Variants in SLC35F4 observed in about 807,000 individuals in gnomAD.
SLC35F4 encodes the protein chromosome 14 open reading frame 36.
A neutral mutation model predicts 44.2 loss-of-function variants in SLC35F4; 24 were observed. The observed-to-expected ratio is 0.54, with a 90% CI of 0.39 to 0.76. The LOEUF (loss-of-function observed/expected upper bound fraction) is 0.76, where lower values mean the gene tolerates loss of function less well. SLC35F4 is among the 30% of genes least tolerant of loss of function. The pLI is 0.00. For missense variants in SLC35F4, 562 were observed against 586.1 expected (o/e 0.96, Z 0.42); for synonymous variants, 238 against 223.6 (o/e 1.06, Z -0.57).
chr14:57,900,248 A>G (rs891155253), intron 1 of SLC35F4, among the ~76,000 whole-genome samples: 1 of 152,182 alleles, frequency 6.6e-6, no homozygotes, highest in African/African-American at 2.4e-5. Context: ...CAGTGGCAGA[A>G]CTTTCAACCT....
chr14:57,840,815 T>A (rs1885409587), intron 1 of SLC35F4, among the ~76,000 whole-genome samples: 1 of 152,196 alleles, frequency 6.6e-6, no homozygotes, highest in African/African-American at 2.4e-5. Flanking sequence ...CTTTCTTACG[T>A]ATACATTTTA....
chr14:57,848,851 A>C (rs1444881982), intron 1 of SLC35F4, among the ~76,000 whole-genome samples: 3 of 152,188 alleles, frequency 2.0e-5, no homozygotes, highest in East Asian at 3.9e-4. Context: ...CCTACTATAC[A>C]TGCTGAGGAT....
chr14:57,727,634 A>G (rs750991684), intron 1 of SLC35F4, among the ~76,000 whole-genome samples: 1 of 151,820 alleles, frequency 6.6e-6, no homozygotes, highest in Non-Finnish European at 1.5e-5. Context: ...TTCTTCCTTA[A>G]TTTCTTCATT....
chr14:57,601,535 T>C (rs760628129), intron 1 of SLC35F4, among the ~76,000 whole-genome samples: 5 of 152,092 alleles, frequency 3.3e-5, no homozygotes, highest in African/African-American at 4.8e-5. Flanking sequence ...AATATTTAGC[T>C]CCCACTTATA....
At chr14:57,830,398 G>T (rs1270842328) in intron 1 of SLC35F4, among the ~76,000 whole-genome samples, 2 of 152,056 alleles carry the variant, frequency 1.3e-5, no homozygotes, top group African/African-American at 4.8e-5. Context: ...TTTTTATTTG[G>T]ATCTCCCTAG....
At chr14:57,828,391 T>A (rs558062531) in intron 1 of SLC35F4, among the ~76,000 whole-genome samples, 1 of 152,234 alleles carries the variant, frequency 6.6e-6, no homozygotes, top group African/African-American at 2.4e-5. Context: ...AAAGAGAGTA[T>A]TATAAATAAT....
chr14:57,954,490 G>A lies in SLC35F4; in HGVS notation n.282+27423C>T, dbSNP rs569023386. On this transcript the variant is annotated intron_variant and non_coding_transcript_variant, in intron 1 of 1. Transcript: ENST00000556568. ...AAAAATCAATGAATCCAGGAGCTGC[G>A]TTTTTGAAAAGATTAACAAAATAGA... is the stretch of plus-strand genomic sequence containing the variant. Among the ~76,000 whole-genome samples, 21 of 151,966 alleles carry A rather than the reference G, an allele frequency of 1.4e-4. No individual in the cohort carries two copies. The South Asian group carries it at 1.5e-3, about 11-fold the overall frequency.
At chr14:57,968,686 C>T (rs1361004658) in intron 1 of SLC35F4, among the ~76,000 whole-genome samples, 1 of 152,116 alleles carries the variant, frequency 6.6e-6, no homozygotes, top group Non-Finnish European at 1.5e-5. Context: ...TAATACCTGG[C>T]AATCTGTGTT....
intron 1 of SLC35F4, among the ~76,000 whole-genome samples, chr14:57,898,405 G>T (rs1289539472): frequency 6.6e-6 from 1 of 152,206 alleles, no homozygotes; most frequent in African/African-American, 2.4e-5. Context: ...TTTAAGAAAG[G>T]TGGTATTGGG....
At chr14:57,803,220 T>C (rs886137483) in intron 1 of SLC35F4, among the ~76,000 whole-genome samples, 17 of 152,256 alleles carry the variant, frequency 1.1e-4, no homozygotes, top group Admixed American at 3.9e-4. Context: ...ATTATCTCAA[T>C]AGATGCAGAA....
intron 1 of SLC35F4, among the ~76,000 whole-genome samples, chr14:57,640,333 T>G (rs559071480): frequency 6.6e-6 from 1 of 151,828 alleles, no homozygotes; most frequent in Non-Finnish European, 1.5e-5. Flanking sequence ...CAAAAAGTAC[T>G]GACAAAAAAG....
chr14:57,629,823 G>T, intron 1 of SLC35F4: 1 of 335,412 alleles, frequency 3.0e-6, no homozygotes, highest in Non-Finnish European at 5.9e-6. Flanking sequence ...ACGAGAAGTG[G>T]GAGTGGAGGA....
chr14:57,571,858 G>T, intron 5 of SLC35F4, 36 bp downstream of exon 5: 1 of 1,594,498 alleles, frequency 6.3e-7, no homozygotes, highest in African/African-American at 1.3e-5. Context: ...TAAGTTATGA[G>T]TGACAGTTGC....
chr14:57,637,070 A>C (rs892309079), intron 1 of SLC35F4, among the ~76,000 whole-genome samples: 1 of 152,124 alleles, frequency 6.6e-6, no homozygotes, highest in Admixed American at 6.6e-5. Context: ...TAGTTTATAC[A>C]AAGAAGCTTT....
chr14:57,574,036 A>G (rs1281301416), intron 4 of SLC35F4, among the ~76,000 whole-genome samples: 1 of 152,222 alleles, frequency 6.6e-6, no homozygotes, highest in Admixed American at 6.5e-5. Context: ...GTAGTATGTA[A>G]TTCTGGGTTT....
intron 4 of SLC35F4, among the ~76,000 whole-genome samples, chr14:57,574,922 C>T (rs1439156946): frequency 5.9e-5 from 9 of 152,166 alleles, no homozygotes; most frequent in Admixed American, 1.3e-4. Flanking sequence ...AAACACAAAA[C>T]GACTCTTCTT....
At position 57,693,381 on chromosome 14, in the gene SLC35F4, C is replaced by A. The variant is rs753717726; in HGVS notation, c.104-99257G>T. 2.6e-5 allele frequency among the ~76,000 whole-genome samples: 4 copies of A among 151,904 alleles called. No individual in the cohort carries two copies. In the South Asian group the frequency reaches 8.3e-4, roughly 31 times the overall value. The stretch of plus-strand genomic sequence containing the variant: ...TGTGACATGTTCGTGATGGCCATGA[C>A]GCCCACACTGGAAGGTTGTGGGTTT... On this transcript the variant is annotated intron_variant, in intron 1 of 7. Transcript: ENST00000556826.
intron 1 of SLC35F4, among the ~76,000 whole-genome samples, chr14:57,694,687 TTATTTCTGTCTTG>T (rs2075331632): frequency 6.6e-6 from 1 of 152,156 alleles, no homozygotes; most frequent in Admixed American, 6.6e-5. Flanking sequence ...ATCTCTCCAT[TTATTTCTGTCTTG>T]TATTTCTGTC....
intron 1 of SLC35F4, among the ~76,000 whole-genome samples, chr14:57,701,431 T>G (rs2075538151): frequency 6.6e-6 from 1 of 152,184 alleles, no homozygotes; most frequent in African/African-American, 2.4e-5. Flanking sequence ...AAAAGTATAG[T>G]TATAGTAAAA....
Sources: allele counts gnomAD v4.1 joint callset (sites outside exome capture counted in the v4.1 genomes callset), GRCh38; gene constraint gnomAD v4.1.1; transcripts MANE v1.5; gene names NCBI Gene and HGNC (gene_info 2026-07-23, HGNC 2026-07-21).